PCNT: variants seen among roughly 807,000 people sequenced by gnomAD.
PCNT encodes the protein pericentrin.
A neutral mutation model predicts 380.4 loss-of-function variants in PCNT; 319 were observed. The ratio of observed to expected loss-of-function variants is 0.84; its 90% CI spans 0.77 to 0.92. PCNT has a LOEUF of 0.92. Ranked by LOEUF, PCNT falls within the 40% of genes least tolerant of loss-of-function variation. The pLI is 0.00. For missense variants in PCNT, 4,400 were observed against 4,255.3 expected (o/e 1.03, Z -0.95); for synonymous variants, 1,845 against 1,735.2 (o/e 1.06, Z -1.57).
chr21:46,356,918 G>GCT (rs1201534769), intron 12 of PCNT, 56 bp from the exon 13 acceptor site: 2 of 1,478,788 alleles, frequency 1.4e-6, no homozygotes, highest in African/African-American at 2.8e-5. Context: ...CGGACTGTGG[G>GCT]CTCCATCGAG....
intron 25 of PCNT, 97 bp from the exon 26 acceptor site, chr21:46,401,454 A>C: frequency 1.0e-6 from 1 of 989,728 alleles, no homozygotes. Flanking sequence ...GCTCTGCTTC[A>C]GGTGCAGCTA....
chr21:46,398,386 T>C (rs1288935920), intron 24 of PCNT, 131 bp downstream of exon 24: 1 of 900,852 alleles, frequency 1.1e-6, no homozygotes, highest in African/African-American at 1.6e-5. Flanking sequence ...CTTTCTCTTG[T>C]CTGAGGAAGC....
In PCNT at chr21:46,390,747, CA is replaced by C; in HGVS notation, c.3919del (p.Arg1307GlyfsTer10). ...AGAATGAGGAGACAGCACAGGTTGT[CA>C]GGAAGCACCAGGAGCTGCTGGAGTG... ...FKNEETAQVV[R>X]KHQELLECLK... On this transcript the variant is annotated frameshift_variant, in exon 20 of 47. Coordinates refer to ENST00000359568, the MANE Select transcript of PCNT (RefSeq NM_006031.6). LOFTEE classifies it high-confidence loss of function. 6.2e-7 allele frequency: 1 copy of C among 1,613,500 alleles called. No homozygotes were observed. Among genetic ancestry groups the C allele is most frequent in the Admixed American group, 1.7e-5 (1 of 60,026 alleles).
At chr21:46,336,643 C>T (rs1892814874) in intron 3 of PCNT, among the ~76,000 whole-genome samples, 1 of 152,086 alleles carries the variant, frequency 6.6e-6, no homozygotes, top group African/African-American at 2.4e-5. Flanking sequence ...GTGCCTTTTA[C>T]TAGATTATGG....
chr21:46,349,620 A>G (rs1351790073), intron 7 of PCNT, 64 bp from the exon 8 acceptor site: 22 of 1,554,574 alleles, frequency 1.4e-5, no homozygotes, highest in Non-Finnish European at 6.2e-6. Context: ...CATTATTGTC[A>G]CTGAGGTCGC....
At position 46,362,831 on chromosome 21, in the gene PCNT, C is replaced by T. The variant is rs1470022989; in HGVS notation, c.2155-649C>T. Among the ~76,000 whole-genome samples the T allele has an allele frequency of 5.3e-5, 8 of 151,926 alleles. No individual in the cohort carries two copies. In the South Asian group the frequency reaches 6.2e-4, roughly 12 times the overall value. On this transcript the variant is annotated intron_variant, in intron 13 of 46. Coordinates refer to ENST00000359568, the MANE Select transcript of PCNT (RefSeq NM_006031.6). ...GAGGCTGCAGTGAGCTGTGATTGTGCCCCTGCACTCCAGCCTGGGCGACAG... is the reference window on the plus strand; with the variant it reads ...GAGGCTGCAGTGAGCTGTGATTGTGTCCCTGCACTCCAGCCTGGGCGACAG...
intron 3 of PCNT, among the ~76,000 whole-genome samples, chr21:46,345,486 G>A (rs188831154): frequency 7.2e-5 from 11 of 152,234 alleles, no homozygotes; most frequent in Admixed American, 2.0e-4. Flanking sequence ...CCAAATTCTG[G>A]GATTATAGGC....
intron 29 of PCNT, among the ~76,000 whole-genome samples, chr21:46,414,386 C>T (rs2086924094): frequency 6.6e-6 from 1 of 152,028 alleles, no homozygotes; most frequent in Non-Finnish European, 1.5e-5. Flanking sequence ...CCACCCTTCT[C>T]CTCCTTCTCC....
Position 46,416,330 on chromosome 21 carries a change from G to T in PCNT, c.6412G>T (p.Val2138Leu). Residue 2138 changes from valine to leucine, a missense_variant, in exon 30 of 47, where the codon GTA (valine) becomes TTA (leucine). Transcript: ENST00000359568. The part of the protein sequence containing the change: ...TCDANTATGG[V>L]TDVIKNQAID... ...TGATGCCAATACAGCCACGGGGGGT[G>T]TAACTGATGTTATCAAAAATCAGGC... 5 of 1,613,824 alleles carry T rather than the reference G, an allele frequency of 3.1e-6. No homozygotes were observed. Among genetic ancestry groups the T allele is most frequent in the Non-Finnish European group, 4.2e-6 (5 of 1,179,812 alleles).
intron 24 of PCNT, among the ~76,000 whole-genome samples, chr21:46,399,379 C>G (rs2086342006): frequency 4.6e-5 from 1 of 21,548 alleles, no homozygotes; most frequent in African/African-American, 4.1e-4. Flanking sequence ...GGGTCTGGGT[C>G]TCTCTGTGCA....
intron 14 of PCNT, 82 bp from the exon 15 acceptor site, chr21:46,366,502 G>C: frequency 8.6e-7 from 1 of 1,160,748 alleles, no homozygotes; most frequent in Non-Finnish European, 1.3e-6. Context: ...GGCATTTCCT[G>C]TGGGAAACTG....
chr21:46,329,475 AT>A (rs535020995), intron 2 of PCNT, among the ~76,000 whole-genome samples: 1 of 152,058 alleles, frequency 6.6e-6, no homozygotes, highest in African/African-American at 2.4e-5. Context: ...CTTATATAAC[AT>A]TTTTTTTCAT....
chr21:46,427,654 G>A lies in PCNT; in HGVS notation c.7353G>A (p.Gly2451=), dbSNP rs61735816. The A allele has an allele frequency of 1.3e-3, 2,090 of 1,613,956 alleles. 31 individuals are homozygous for A. In the African/African-American group the frequency reaches 0.023, roughly 18 times the overall value. The change falls in exon 34 of 47, where the codon GGG becomes GGA. Residue 2451 remains glycine (G), a synonymous_variant. Transcript: ENST00000359568. The part of the protein sequence containing the change: ...EVPTACPDWR[G]DLLQVVQEAF... ...CCACCGCGTGCCCCGATTGGAGAGG[G>A]GACCTTCTGCAGGTTGTGCAAGAGG...
Position 46,440,139 on chromosome 21 carries a change from G to T in PCNT, c.9330G>T (p.Arg3110Ser). ...PDETAPQSSL[R>S]RPDPGRLPPA... ...AAACGGCTCCACAGAGTTCCCTGAGGCGCCCAGACCCCGGCCGGCTTCCAC... is the reference window on the plus strand; with the variant it reads ...AAACGGCTCCACAGAGTTCCCTGAGTCGCCCAGACCCCGGCCGGCTTCCAC... The change falls in exon 42 of 47, where the codon AGG (arginine) becomes AGT (serine). Residue 3110 changes from arginine (R) to serine (S), a missense_variant. Transcript: ENST00000359568. 6.2e-7 allele frequency: 1 copy of T among 1,614,144 alleles called. No homozygotes were observed. The highest frequency in any genetic ancestry group is 8.5e-7 in the Non-Finnish European group (1 of 1,180,008).
chr21:46,436,723 G>T (rs1033399825), intron 39 of PCNT, among the ~76,000 whole-genome samples: 7 of 152,142 alleles, frequency 4.6e-5, no homozygotes, highest in Admixed American at 1.3e-4. Flanking sequence ...AAGCCACGGG[G>T]CCTGGCAGGC....
chr21:46,361,284 G>A (rs570279537), intron 13 of PCNT, among the ~76,000 whole-genome samples: 2 of 152,302 alleles, frequency 1.3e-5, no homozygotes, highest in African/African-American at 2.4e-5. Context: ...CCAGCTACTC[G>A]GGGGCCTGAG....
intron 27 of PCNT, among the ~76,000 whole-genome samples, chr21:46,408,719 G>GTT (rs34814770): frequency 1.1e-3 from 119 of 110,530 alleles, no homozygotes; most frequent in Middle Eastern, 5.1e-3. Context: ...CTTTCAGAAA[G>GTT]TTTTTTTTTT....
In PCNT at chr21:46,418,198, T is replaced by TATCTG. The variant is rs59957960; in HGVS notation, c.6922-5_6922-4insTCTGA. On this transcript the variant is annotated splice_polypyrimidine_tract_variant and splice_region_variant and intron_variant, in intron 30 of 46. Transcript: ENST00000359568. ...ATTTTATGACCATTTAAAAATCTCT[T>TATCTG]AACAGGAGAAAGATGTCGAAGATTT... is the stretch of plus-strand genomic sequence containing the variant. The TATCTG allele has an allele frequency of 0.085, 131,320 of 1,538,784 alleles. 10,658 individuals carry two copies. The highest frequency in any genetic ancestry group is 0.43 in the African/African-American group (31,002 of 71,606).
chr21:46,327,769 T>C (rs1282901712), intron 2 of PCNT, among the ~76,000 whole-genome samples: 2 of 152,248 alleles, frequency 1.3e-5, no homozygotes, highest in Non-Finnish European at 1.5e-5. Context: ...ATTTGTCTTT[T>C]ACCTTTTTAC....
Sources: allele counts gnomAD v4.1 joint callset (sites outside exome capture counted in the v4.1 genomes callset), GRCh38; gene constraint gnomAD v4.1.1; transcripts MANE v1.5; gene names NCBI Gene and HGNC (gene_info 2026-07-23, HGNC 2026-07-21).